GRM7: variants seen among roughly 807,000 people sequenced by gnomAD.
GRM7 encodes glutamate metabotropic receptor 7.
GRM7 carries 35 observed loss-of-function variants against 84.5 expected under a neutral mutation model. That is an observed-to-expected ratio of 0.41 (90% CI 0.32 to 0.55). The LOEUF is 0.55. Ranked by LOEUF, GRM7 falls within the 20% of genes least tolerant of loss-of-function variation. GRM7 has a pLI of 0.19. For missense variants in GRM7, 1,003 were observed against 1,194.6 expected (o/e 0.84, Z 2.36); for synonymous variants, 487 against 455.1 (o/e 1.07, Z -0.89).
At chr3:7,240,658 T>C (rs990920011) in intron 2 of GRM7, among the ~76,000 whole-genome samples, 1 of 152,158 alleles carries the variant, frequency 6.6e-6, no homozygotes, top group East Asian at 1.9e-4. Flanking sequence ...CCATTGCTTT[T>C]CGGGAAGATT....
chr3:7,179,682 C>T (rs1332821437), intron 2 of GRM7, among the ~76,000 whole-genome samples: 1 of 152,174 alleles, frequency 6.6e-6, no homozygotes, highest in East Asian at 1.9e-4. Context: ...CTACTTGATT[C>T]ATTCAGCTTG....
rs113077396 is a variant in GRM7 at position 7,110,426 on chromosome 3, C to A, written c.520-36026C>A. On this transcript the variant is annotated intron_variant, in intron 1 of 9. Coordinates refer to ENST00000357716, the MANE Select transcript of GRM7 (RefSeq NM_000844.4). ...GACCAGCCTGGCCAACATGGTGAAA[C>A]CCCATTTCTACTAAAAATAAAAAAA... is the stretch of plus-strand genomic sequence containing the variant. Among the ~76,000 whole-genome samples, 370 of 152,032 alleles carry A rather than the reference C, an allele frequency of 2.4e-3. 2 individuals are homozygous for A. The highest frequency in any genetic ancestry group is 8.7e-3 in the African/African-American group (359 of 41,478).
At chr3:6,973,123 A>G (rs1693828377) in intron 1 of GRM7, among the ~76,000 whole-genome samples, 1 of 152,222 alleles carries the variant, frequency 6.6e-6, no homozygotes, top group Non-Finnish European at 1.5e-5. Context: ...TAAGGCAAAA[A>G]TAAGGTATTG....
intron 8 of GRM7, among the ~76,000 whole-genome samples, chr3:7,582,480 C>A (rs1695305027): frequency 6.6e-6 from 1 of 151,990 alleles, no homozygotes; most frequent in South Asian, 2.1e-4. Flanking sequence ...TCTCAAAGGT[C>A]TTCCTTTGTG....
In GRM7 at chr3:7,570,709, A is replaced by T. The variant is rs1409291525; in HGVS notation, c.1516-7713A>T. Among the ~76,000 whole-genome samples the T allele has an allele frequency of 2.0e-5, 3 of 152,168 alleles. No homozygotes were observed. In the East Asian group the frequency reaches 5.8e-4, roughly 29 times the overall value. Reference sequence around the variant, plus strand: ...GATCTACCATTCTGGGGTCTGAAGGATGGTGGCCCTTTTCTCACAGCCCCA... The same window carrying T: ...GATCTACCATTCTGGGGTCTGAAGGTTGGTGGCCCTTTTCTCACAGCCCCA... On this transcript the variant is annotated intron_variant, in intron 7 of 9. Transcript: ENST00000357716.
intron 1 of GRM7, among the ~76,000 whole-genome samples, chr3:7,023,561 A>T (rs561415085): frequency 6.6e-6 from 1 of 152,228 alleles, no homozygotes; most frequent in South Asian, 2.1e-4. Context: ...GGTTACAACA[A>T]TGGAAGTTTA....
chr3:7,451,451 G>A (rs1697764564), intron 5 of GRM7, among the ~76,000 whole-genome samples: 1 of 152,180 alleles, frequency 6.6e-6, no homozygotes. Flanking sequence ...TGAAAGCAAA[G>A]AGGAAGGATC....
At chr3:7,687,844 T>C (rs1700643703) in intron 9 of GRM7, among the ~76,000 whole-genome samples, 1 of 152,170 alleles carries the variant, frequency 6.6e-6, no homozygotes, top group Admixed American at 6.5e-5. Context: ...ACATTTTCTG[T>C]TGACTTTAGA....
At chr3:7,609,388 A>G (rs554374704) in intron 8 of GRM7, among the ~76,000 whole-genome samples, 85 of 151,882 alleles carry the variant, frequency 5.6e-4, no homozygotes, top group African/African-American at 1.8e-3. Flanking sequence ...ATAGATAGGG[A>G]TATCCAGTAG....
intron 1 of GRM7, among the ~76,000 whole-genome samples, chr3:6,990,957 G>C (rs1001460857): frequency 6.6e-6 from 1 of 152,056 alleles, no homozygotes; most frequent in African/African-American, 2.4e-5. Flanking sequence ...TAGTCCCAGC[G>C]CTTTGAGAGG....
At chr3:7,610,914 A>G (rs1696820659) in intron 8 of GRM7, among the ~76,000 whole-genome samples, 1 of 152,230 alleles carries the variant, frequency 6.6e-6, no homozygotes, top group Non-Finnish European at 1.5e-5. Flanking sequence ...AAAAACAAGA[A>G]CAAATAACAA....
intron 1 of GRM7, among the ~76,000 whole-genome samples, chr3:7,134,071 G>A (rs1693691563): frequency 6.6e-6 from 1 of 152,112 alleles, no homozygotes; most frequent in Admixed American, 6.6e-5. Flanking sequence ...AATAGCACCA[G>A]ACAAAATAGC....
intron 8 of GRM7, among the ~76,000 whole-genome samples, chr3:7,635,554 G>C (rs4054134): frequency 0.69 from 105,031 of 152,084 alleles, 36,466 homozygotes; most frequent in South Asian, 0.83. Context: ...GCCTTTGCAT[G>C]TAGTCTCTTC....
At chr3:7,557,701 C>T (rs544683864) in intron 7 of GRM7, among the ~76,000 whole-genome samples, 1 of 152,132 alleles carries the variant, frequency 6.6e-6, no homozygotes, top group East Asian at 1.9e-4. Context: ...CAAAAACCTA[C>T]CTGGCAATTG....
At chr3:6,885,690 A>G (rs1009744664) in intron 1 of GRM7, among the ~76,000 whole-genome samples, 1 of 152,226 alleles carries the variant, frequency 6.6e-6, no homozygotes, top group Non-Finnish European at 1.5e-5. Context: ...CAACCAACTT[A>G]AAGAGTTTCT....
intron 4 of GRM7, among the ~76,000 whole-genome samples, chr3:7,361,378 T>A (rs9813021): frequency 0.09 from 13,631 of 152,140 alleles, 727 homozygotes; most frequent in African/African-American, 0.15. Flanking sequence ...CTCAGGGACA[T>A]CTTTGCTTTA....
intron 1 of GRM7, among the ~76,000 whole-genome samples, chr3:6,911,121 G>C (rs186908979): frequency 6.6e-6 from 1 of 152,212 alleles, no homozygotes; most frequent in East Asian, 1.9e-4. Context: ...AAAACAACAG[G>C]AAAGAGGGCA....
intron 8 of GRM7, among the ~76,000 whole-genome samples, chr3:7,647,241 C>T (rs1644364391): frequency 6.6e-6 from 1 of 152,202 alleles, no homozygotes; most frequent in Admixed American, 6.5e-5. Context: ...CTGGCTTCCT[C>T]TTTGGTTAGC....
chr3:7,515,564 G>A (rs17047503), intron 7 of GRM7, among the ~76,000 whole-genome samples: 28,703 of 152,076 alleles, frequency 0.19, 3,034 homozygotes, highest in African/African-American at 0.26. Context: ...TACCAAGCCA[G>A]TATCAAAAAG....
Sources: gnomAD v4.1 joint callset for allele counts (sites outside exome capture counted in the v4.1 genomes callset) on GRCh38, gnomAD v4.1.1 for gene constraint, MANE v1.5 for transcripts, NCBI Gene and HGNC (gene_info 2026-07-23, HGNC 2026-07-21) for gene names.